The following COPZ2 variants were observed in gnomAD, a reference collection of about 807,000 sequenced individuals.
The protein encoded by COPZ2 is coat protein complex I subunit zeta 2.
In COPZ2, 30 loss-of-function variants were observed where a neutral mutation model predicts 33.2. The ratio of observed to expected loss-of-function variants is 0.90; its 90% CI spans 0.68 to 1.23. The LOEUF (loss-of-function observed/expected upper bound fraction) is 1.23. Among genes scored for constraint, COPZ2 ranks in the 50% most tolerant of loss-of-function variants. The pLI is 0.00. For missense variants in COPZ2, 263 were observed against 262.4 expected (o/e 1.00, Z -0.02); for synonymous variants, 89 against 102.6 (o/e 0.87, Z 0.80).
chr17:48,043,551 T>G, the COPZ2 span: 1 of 985,452 alleles, frequency 1.0e-6, no homozygotes, highest in African/African-American at 1.7e-5. Flanking sequence ...TTCCATGCTC[T>G]GTCTGTAGGA....
the COPZ2 span, chr17:48,043,666 C>G: frequency 1.9e-6 from 1 of 530,930 alleles, no homozygotes; most frequent in African/African-American, 2.1e-5. Flanking sequence ...TTATTCAAGA[C>G]AGGGCCTTAT....
intron 2 of COPZ2, among the ~76,000 whole-genome samples, chr17:48,035,085 A>G (rs917778986): frequency 6.6e-6 from 1 of 152,232 alleles, no homozygotes; most frequent in Non-Finnish European, 1.5e-5. Context: ...ACAGGGTTAT[A>G]GTGAAGATTA....
upstream of COPZ2, among the ~76,000 whole-genome samples, chr17:48,042,151 GAGA>G (rs1475639784): frequency 6.6e-6 from 1 of 151,320 alleles, no homozygotes. Flanking sequence ...TCTTTTTTTT[GAGA>G]AGGAGTTTCA....
At chr17:48,038,412 G>A (rs1288979904), upstream of COPZ2, among the ~76,000 whole-genome samples, 4 of 152,284 alleles carry the variant, frequency 2.6e-5, no homozygotes, top group African/African-American at 4.8e-5. Context: ...ATGACATCGG[G>A]CTTTGCAGCA....
At position 48,036,880 on chromosome 17, in the gene COPZ2, C is replaced by G. The variant is rs1337321854; in HGVS notation, c.157G>C (p.Asp53His). The change falls in exon 2 of 9, where the codon GAT (aspartate) becomes CAT (histidine). Residue 53 changes from aspartate to histidine, a missense_variant. Transcript: ENST00000621465. The part of the protein sequence containing the change: ...LYTIKAVFIL[D>H]NDGRRLLAKY... ...GCCAGCAGCCGGCGCCCGTCATTAT[C>G]TAGGATGAAAACAGCCTTGATGGTG... The G allele has an allele frequency of 6.2e-7, 1 of 1,613,988 alleles. No homozygotes were observed.
At chr17:48,027,397 T>C (rs2036832417) in intron 8 of COPZ2, among the ~76,000 whole-genome samples, 1 of 152,200 alleles carries the variant, frequency 6.6e-6, no homozygotes, top group Non-Finnish European at 1.5e-5. Flanking sequence ...CATAACTCCA[T>C]GAAGAGGGTC....
chr17:48,044,208 G>A, the COPZ2 span, among the ~76,000 whole-genome samples: 2 of 152,010 alleles, frequency 1.3e-5, no homozygotes, highest in Non-Finnish European at 2.9e-5. Flanking sequence ...TTAGCCAAGC[G>A]TGGTGGTGTG....
intron 5 of COPZ2, 89 bp from the exon 6 acceptor site, chr17:48,032,322 C>T: frequency 9.2e-7 from 1 of 1,085,574 alleles, no homozygotes; most frequent in Non-Finnish European, 1.4e-6. Context: ...TCTCCAAAGA[C>T]TGCCTCATTC....
the COPZ2 span, among the ~76,000 whole-genome samples, chr17:48,044,383 C>T: frequency 1.4e-5 from 2 of 147,310 alleles, no homozygotes; most frequent in Non-Finnish European, 3.0e-5. Flanking sequence ...TCTGTGTTCC[C>T]GTATTACCAC....
intron 6 of COPZ2, among the ~76,000 whole-genome samples, chr17:48,029,746 A>G (rs2036865677): frequency 6.6e-6 from 1 of 150,584 alleles, no homozygotes; most frequent in Non-Finnish European, 1.5e-5. Context: ...AGGCGGGTGG[A>G]TCACCTGAGG....
At chr17:48,035,944 A>G (rs1453629141) in intron 2 of COPZ2, among the ~76,000 whole-genome samples, 1 of 150,164 alleles carries the variant, frequency 6.7e-6, no homozygotes, top group Non-Finnish European at 1.5e-5. Context: ...TAGTAGAGAC[A>G]GGGTTTCACC....
intron 6 of COPZ2, 191 bp downstream of exon 6, chr17:48,031,965 T>C: frequency 1.6e-6 from 1 of 609,620 alleles, no homozygotes; most frequent in Non-Finnish European, 2.9e-6. Context: ...TGGCTAACAT[T>C]GAAATCAACT....
At chr17:48,026,572 C>T in intron 8 of COPZ2, 97 bp from the exon 9 acceptor site, 1 of 835,114 alleles carries the variant, frequency 1.2e-6, no homozygotes, top group South Asian at 1.5e-5. Context: ...GCCGAAGCGC[C>T]CCTGCAACCA....
chr17:48,045,923 G>A, the COPZ2 span: 1 of 152,166 alleles, frequency 6.6e-6, no homozygotes, highest in Non-Finnish European at 1.5e-5. Context: ...GCAGGTTCTG[G>A]GAAAGCTTGC....
Position 48,037,339 on chromosome 17 carries a change from G to A in COPZ2, c.111+328C>T, listed in dbSNP as rs559221467. The A allele has an allele frequency of 1.5e-5, 6 of 392,846 alleles. No homozygotes were observed. Among genetic ancestry groups the A allele is most frequent in the Admixed American group, 1.5e-4 (4 of 26,426 alleles). The allele number at this position is 392,846 out of a possible 1,614,324, so 24.3% of individuals were successfully genotyped here. On this transcript the variant is annotated intron_variant, in intron 1 of 8. Coordinates refer to ENST00000621465, the MANE Select transcript of COPZ2 (RefSeq NM_016429.4). The surrounding 1 kb of genome is among the most constrained non-coding windows in gnomAD (Gnocchi z 5.6). ...CAGGCCCTGGCCCGGGTAGACTCCAGAAGCATGCCCATCACCCACCGGTGA... is the reference window on the plus strand; with the variant it reads ...CAGGCCCTGGCCCGGGTAGACTCCAAAAGCATGCCCATCACCCACCGGTGA...
At chr17:48,030,414 T>C (rs2036879165) in intron 6 of COPZ2, among the ~76,000 whole-genome samples, 1 of 151,956 alleles carries the variant, frequency 6.6e-6, no homozygotes, top group Admixed American at 6.6e-5. Flanking sequence ...CGTGAGGCCT[T>C]GGGGTTATGT....
intron 6 of COPZ2, 180 bp from the exon 7 acceptor site, chr17:48,029,356 T>C (rs1375389265): frequency 1.2e-5 from 8 of 663,362 alleles, no homozygotes; most frequent in Non-Finnish European, 2.1e-5. Flanking sequence ...AGCCCTCAGC[T>C]CTGATTCTTT....
rs763753449 is a variant in COPZ2 at position 48,033,275 on chromosome 17, G to T, written c.296C>A (p.Thr99Asn). 1 of 1,613,096 alleles carries T rather than the reference G, an allele frequency of 6.2e-7. No individual in the cohort carries two copies. The highest frequency in any genetic ancestry group is 1.1e-5 in the South Asian group (1 of 90,834). ...GTCAATGCTGTTCTTGTAGACGATG[G>T]TCATACCCCCAAAAAATGCAATCTC... is the stretch of plus-strand genomic sequence containing the variant. ...ESEIAFFGGM[T>N]IVYKNSIDLF... Residue 99 changes from threonine to asparagine, a missense_variant, in exon 4 of 9, where the codon ACC (threonine) becomes AAC (asparagine). Coordinates refer to ENST00000621465, the MANE Select transcript of COPZ2 (RefSeq NM_016429.4).
At chr17:48,032,775 G>C in intron 4 of COPZ2, 34 bp from the exon 5 acceptor site, 1 of 1,552,914 alleles carries the variant, frequency 6.4e-7, no homozygotes, top group Non-Finnish European at 8.8e-7. Flanking sequence ...AGGAAAAGGA[G>C]AGTTTGAGAT....
Sources: allele counts gnomAD v4.1 joint callset (sites outside exome capture counted in the v4.1 genomes callset), GRCh38; gene constraint gnomAD v4.1.1; non-coding constraint Gnocchi (gnomAD v3.1); transcripts MANE v1.5; gene names NCBI Gene and HGNC (gene_info 2026-07-23, HGNC 2026-07-21).